The following PIGB variants were observed in gnomAD, a reference collection of about 807,000 sequenced individuals.
PIGB encodes GPI alpha-1,2-mannosyltransferase 3.
A neutral mutation model predicts 68.4 loss-of-function variants in PIGB; 58 were observed. The ratio of observed to expected loss-of-function variants is 0.85; its 90% CI spans 0.69 to 1.06. The LOEUF (loss-of-function observed/expected upper bound fraction) is 1.06, where lower values mean the gene tolerates loss of function less well. Ranked by LOEUF, PIGB falls within the 50% of genes least tolerant of loss-of-function variation. PIGB has a pLI of 0.00. For missense variants in PIGB, 634 were observed against 655.8 expected, an observed-to-expected ratio of 0.97 and a Z score of 0.36; for synonymous variants, 219 against 220.5, an observed-to-expected ratio of 0.99 and a Z score of 0.06.
chr15:55,346,879 C>T lies in PIGB; in HGVS notation c.1124-3820C>T, dbSNP rs989250785. The T allele has an allele frequency of 1.2e-4, 19 of 152,318 alleles. 1 individual carries two copies. The East Asian group carries it at 3.7e-3, about 29-fold the overall frequency. 9.4% of individuals were successfully genotyped at this position (152,318 alleles called of 1,614,324 possible). A position where few individuals can be genotyped will look rare whatever the true frequency, so the allele number is the denominator to read the frequency against. ...GACCTTAGGCTTCTCTTGTGGTTCA[C>T]TCAGTCTAGCATTGGAACTGGAAAA... On this transcript the variant is annotated intron_variant, in intron 9 of 11. Transcript: ENST00000164305.
intron 9 of PIGB, among the ~76,000 whole-genome samples, chr15:55,345,755 G>A (rs1230523900): frequency 1.3e-5 from 2 of 150,272 alleles, no homozygotes; most frequent in Non-Finnish European, 2.9e-5. Flanking sequence ...GCGAGATTCT[G>A]TCTAAAAAAA....
chr15:55,322,275 C>T (rs1393449565), intron 3 of PIGB, among the ~76,000 whole-genome samples: 2 of 152,128 alleles, frequency 1.3e-5, no homozygotes, highest in Non-Finnish European at 2.9e-5. Context: ...AGTCTGTATA[C>T]ATCTAAACCC....
Position 55,350,806 on chromosome 15 carries a change from A to C in PIGB, c.1231A>C (p.Thr411Pro), listed in dbSNP as rs774555339. ...LYTGLVHQRG[T>P]LDVMSHIQKV... ...TACTGGTTTAGTTCATCAACGAGGT[A>C]CTCTTGATGTCATGAGTCATATTCA... Residue 411 changes from threonine to proline, a missense_variant, in exon 10 of 12, where the codon ACT becomes CCT. Coordinates refer to ENST00000164305, the MANE Select transcript of PIGB (RefSeq NM_004855.5). The C allele has an allele frequency of 2.9e-5, 47 of 1,604,860 alleles. No homozygotes were observed. The highest frequency in any genetic ancestry group is 3.3e-4 in the Middle Eastern group (2 of 6,068).
Position 55,345,797 on chromosome 15 carries a change from C to T in PIGB, c.1123+3995C>T, listed in dbSNP as rs148665317. Among the ~76,000 whole-genome samples the T allele has an allele frequency of 6.1e-3, 926 of 152,252 alleles. 8 individuals carry two copies. The highest frequency in any genetic ancestry group is 0.021 in the African/African-American group (886 of 41,554). On this transcript the variant is annotated intron_variant, in intron 9 of 11. Transcript: ENST00000164305. The stretch of plus-strand genomic sequence containing the variant: ...TCTTCTTGATACCTTCATCTGTGCC[C>T]AGTACCCTCATTATGGTTAGTAGTT...
chr15:55,342,206 T>C (rs895176727), intron 9 of PIGB, among the ~76,000 whole-genome samples: 3 of 152,212 alleles, frequency 2.0e-5, no homozygotes, highest in Non-Finnish European at 4.4e-5. Flanking sequence ...TTGGTGGTGG[T>C]GTTTCTCACT....
chr15:55,354,538 A>C (rs928700090), intron 10 of PIGB: 3 of 369,000 alleles, frequency 8.1e-6, no homozygotes, highest in Admixed American at 4.8e-5. Context: ...CTACTGACCT[A>C]CTTCCCTCCT....
Position 55,319,430 on chromosome 15 carries a change from T to TG in PIGB, c.163+18dup. On this transcript the variant is annotated intron_variant, in intron 1 of 11. Transcript: ENST00000164305. Reference sequence around the variant, plus strand: ...GCCGCGGGGGTGAGTGAGGGGACACTGTCTGGAGAGCTCCTACCCCCATCT... The same window carrying TG: ...GCCGCGGGGGTGAGTGAGGGGACACTGGTCTGGAGAGCTCCTACCCCCATCT... The TG allele has an allele frequency of 1.9e-6, 3 of 1,548,688 alleles. No homozygotes were observed. The highest frequency in any genetic ancestry group is 2.6e-6 in the Non-Finnish European group (3 of 1,144,784).
intron 3 of PIGB, among the ~76,000 whole-genome samples, chr15:55,322,180 C>G (rs1239078973): frequency 6.6e-6 from 1 of 151,692 alleles, no homozygotes; most frequent in Non-Finnish European, 1.5e-5. Context: ...TTCCCCCATC[C>G]CCCGCAAAAA....
chr15:55,346,519 C>T (rs2055798333), intron 9 of PIGB: 1 of 152,102 alleles, frequency 6.6e-6, no homozygotes, highest in Non-Finnish European at 1.5e-5. Flanking sequence ...TTTTTGTAGG[C>T]CCAGATAACA....
intron 4 of PIGB, 52 bp from the exon 5 acceptor site, chr15:55,329,672 T>C: frequency 2.7e-6 from 4 of 1,458,692 alleles, no homozygotes; most frequent in Non-Finnish European, 3.8e-6. Context: ...TAATATGTAC[T>C]AAGGTTTTCC....
chr15:55,323,604 A>C (rs970934867), intron 3 of PIGB, among the ~76,000 whole-genome samples: 22 of 152,168 alleles, frequency 1.4e-4, no homozygotes, highest in Non-Finnish European at 2.1e-4. Flanking sequence ...TGAATGTCAA[A>C]GGCCTAGTAC....
At chr15:55,349,625 T>C (rs924171195) in intron 9 of PIGB, 1 of 152,164 alleles carries the variant, frequency 6.6e-6, no homozygotes, top group Non-Finnish European at 1.5e-5. Flanking sequence ...TAAAAAATAC[T>C]AGGTGACATG....
chr15:55,329,916 C>T (rs1010934037), intron 5 of PIGB, 62 bp downstream of exon 5: 10 of 1,266,534 alleles, frequency 7.9e-6, no homozygotes, highest in Non-Finnish European at 1.1e-5. Flanking sequence ...TCTTAAATAT[C>T]AACATATTGT....
At chr15:55,344,890 C>CTTTTTT (rs1164109873) in intron 9 of PIGB, among the ~76,000 whole-genome samples, 211 of 98,890 alleles carry the variant, frequency 2.1e-3, no homozygotes, top group Non-Finnish European at 3.1e-3. Context: ...ATATTCTTAT[C>CTTTTTT]TTTTTTTTTT....
chr15:55,336,555 T>C (rs1208801296), intron 6 of PIGB, among the ~76,000 whole-genome samples: 1 of 152,244 alleles, frequency 6.6e-6, no homozygotes, highest in African/African-American at 2.4e-5. Context: ...TAATAAAATA[T>C]TTGAATATCT....
chr15:55,339,702 T>G (rs1595789910), intron 7 of PIGB, among the ~76,000 whole-genome samples: 1 of 152,354 alleles, frequency 6.6e-6, no homozygotes, highest in East Asian at 1.9e-4. Context: ...CTTTATCTCT[T>G]AACTGGATAT....
At chr15:55,339,192 G>A (rs749136986) in intron 6 of PIGB, 75 bp from the exon 7 acceptor site, 60 of 1,004,374 alleles carry the variant, frequency 6.0e-5, no homozygotes, top group East Asian at 1.0e-4. Context: ...TGCAAGGCAC[G>A]TACAAAGCCA....
chr15:55,355,156 TC>T, intron 11 of PIGB, 129 bp from the exon 12 acceptor site: 1 of 888,562 alleles, frequency 1.1e-6, no homozygotes, highest in Non-Finnish European at 1.7e-6. Context: ...GTATTTTACT[TC>T]CTATAAGTTA....
chr15:55,341,791 T>A lies in PIGB; in HGVS notation c.1112T>A (p.Met371Lys). The A allele has an allele frequency of 7.0e-7, 1 of 1,436,324 alleles. No homozygotes were observed. The highest frequency in any genetic ancestry group is 1.5e-5 in the South Asian group (1 of 65,022). 89.0% of individuals were successfully genotyped at this position (1,436,324 alleles called of 1,614,324 possible). The change falls in exon 9 of 12, where the codon ATG becomes AAG. Residue 371 changes from methionine (M) to lysine (K), a missense_variant. Physicochemically the swap from Met to Lys is moderately conservative, Grantham distance 95. Coordinates refer to ENST00000164305, the MANE Select transcript of PIGB (RefSeq NM_004855.5). ...ATTTATCCAGTTTTACCATTCTGTA[T>A]GGTGTTCTGTGGTAAGTGCTTTTGT... is the stretch of plus-strand genomic sequence containing the variant. Reference protein sequence around the residue: ...RFIYPVLPFCMVFCGYSLTHL... With the variant: ...RFIYPVLPFCKVFCGYSLTHL...
Sources: allele counts gnomAD v4.1 joint callset (sites outside exome capture counted in the v4.1 genomes callset), GRCh38; gene constraint gnomAD v4.1.1; transcripts MANE v1.5; gene names NCBI Gene and HGNC (gene_info 2026-07-23, HGNC 2026-07-21).